The following QTMAN variants were observed in gnomAD, a reference collection of about 807,000 sequenced individuals.
QTMAN encodes tRNA-queuosine alpha-mannosyltransferase.
chr2:143,989,704 T>C, the QTMAN span, among the ~76,000 whole-genome samples: 1 of 152,106 alleles, frequency 6.6e-6, no homozygotes, highest in Non-Finnish European at 1.5e-5. Flanking sequence ...CGTACACATA[T>C]ATGAATATTT....
the QTMAN span, among the ~76,000 whole-genome samples, chr2:144,294,663 C>A: frequency 2.6e-5 from 4 of 151,832 alleles, no homozygotes; most frequent in Non-Finnish European, 5.9e-5. Flanking sequence ...GTGAAAAACT[C>A]TTTGTGGAAG....
chr2:144,045,623 C>G, the QTMAN span, among the ~76,000 whole-genome samples: 1 of 152,180 alleles, frequency 6.6e-6, no homozygotes, highest in Non-Finnish European at 1.5e-5. Context: ...AGGAGGCAGG[C>G]AGGGAGGGAC....
the QTMAN span, among the ~76,000 whole-genome samples, chr2:144,051,394 G>A: frequency 6.6e-6 from 1 of 151,968 alleles, no homozygotes; most frequent in Non-Finnish European, 1.5e-5. Context: ...AAATAAGCCA[G>A]GTATGGTTGT....
At chr2:144,041,187 C>A in the QTMAN span, among the ~76,000 whole-genome samples, 1 of 152,020 alleles carries the variant, frequency 6.6e-6, no homozygotes, top group Non-Finnish European at 1.5e-5. Context: ...AACACATAAC[C>A]AGAAGTTAAG....
chr2:144,133,180 A>T, the QTMAN span, among the ~76,000 whole-genome samples: 2 of 45,792 alleles, frequency 4.4e-5, no homozygotes, highest in Non-Finnish European at 7.8e-5. Flanking sequence ...ATAAATATAT[A>T]TAATATAAAT....
the QTMAN span, among the ~76,000 whole-genome samples, chr2:144,240,050 A>G: frequency 9.9e-5 from 15 of 152,232 alleles, no homozygotes; most frequent in African/African-American, 3.6e-4. Flanking sequence ...AGAAACAGCA[A>G]TTGACTTCTT....
chr2:143,948,548 C>T, the QTMAN span, among the ~76,000 whole-genome samples: 78 of 152,220 alleles, frequency 5.1e-4, no homozygotes, highest in African/African-American at 1.9e-3. Context: ...CCTTACACAA[C>T]TGCCCTATTT....
the QTMAN span, among the ~76,000 whole-genome samples, chr2:144,054,151 G>A: frequency 2.0e-5 from 3 of 152,112 alleles, no homozygotes. Flanking sequence ...TTGAGCCACT[G>A]CACTCTAGCC....
chr2:143,974,703 CTTTT>C, the QTMAN span, among the ~76,000 whole-genome samples: 3 of 151,242 alleles, frequency 2.0e-5, no homozygotes, highest in South Asian at 2.1e-4. Context: ...TTCTTTCTTT[CTTTT>C]TGTTTTTTTT....
the QTMAN span, among the ~76,000 whole-genome samples, chr2:144,011,383 A>G: frequency 1.3e-5 from 2 of 152,130 alleles, no homozygotes; most frequent in Admixed American, 6.6e-5. Flanking sequence ...CATGAAACTC[A>G]TATTTTCATA....
the QTMAN span, among the ~76,000 whole-genome samples, chr2:144,084,521 G>A: frequency 6.6e-6 from 1 of 152,094 alleles, no homozygotes; most frequent in Non-Finnish European, 1.5e-5. Context: ...TGTTGGTTGT[G>A]ACTCACCAAA....
At chr2:144,167,372 C>T in the QTMAN span, among the ~76,000 whole-genome samples, 1 of 152,114 alleles carries the variant, frequency 6.6e-6, no homozygotes, top group Non-Finnish European at 1.5e-5. Context: ...CAGTGGCCAA[C>T]CAGAAGTAAC....
At chr2:144,294,949 T>C in the QTMAN span, among the ~76,000 whole-genome samples, 2 of 152,128 alleles carry the variant, frequency 1.3e-5, no homozygotes, top group Non-Finnish European at 2.9e-5. Flanking sequence ...ATGGGAAAAA[T>C]GAACTTGAAG....
the QTMAN span, among the ~76,000 whole-genome samples, chr2:144,086,344 G>T: frequency 6.6e-6 from 1 of 152,054 alleles, no homozygotes; most frequent in Non-Finnish European, 1.5e-5. Context: ...ATAGGGTCTC[G>T]CTGTGTTACT....
At chr2:144,033,708 C>T in the QTMAN span, among the ~76,000 whole-genome samples, 1 of 152,104 alleles carries the variant, frequency 6.6e-6, no homozygotes, top group Non-Finnish European at 1.5e-5. Context: ...ATGGTTGGTC[C>T]CTCGGTCAAC....
chr2:144,041,853 G>C, the QTMAN span, among the ~76,000 whole-genome samples: 3 of 152,218 alleles, frequency 2.0e-5, no homozygotes, highest in South Asian at 6.2e-4. Flanking sequence ...ATTTCAGGCA[G>C]ATGAGTGAAT....
the QTMAN span, among the ~76,000 whole-genome samples, chr2:143,976,363 C>A: frequency 1.3e-5 from 2 of 152,180 alleles, no homozygotes; most frequent in Non-Finnish European, 2.9e-5. Flanking sequence ...ATTATGGTCT[C>A]TCCAAAACAA....
chr2:144,162,016 G>A, the QTMAN span, among the ~76,000 whole-genome samples: 3 of 152,186 alleles, frequency 2.0e-5, no homozygotes, highest in Non-Finnish European at 2.9e-5. Context: ...ACATTTGGAC[G>A]TGGCATAGAC....
At chr2:144,204,352 T>C in the QTMAN span, among the ~76,000 whole-genome samples, 5 of 152,136 alleles carry the variant, frequency 3.3e-5, no homozygotes, top group African/African-American at 4.8e-5. Context: ...AGACACTTCT[T>C]AAAAGAAGAC....
Sources: gnomAD v4.1 joint callset for allele counts (sites outside exome capture counted in the v4.1 genomes callset) on GRCh38, gnomAD v4.1.1 for gene constraint, MANE v1.5 for transcripts, NCBI Gene and HGNC (gene_info 2026-07-23, HGNC 2026-07-21) for gene names.